MECOM: variants seen among roughly 807,000 people sequenced by gnomAD.
MECOM encodes histone-lysine N-methyltransferase MECOM.
MECOM carries 13 observed loss-of-function variants against 116.3 expected under a neutral mutation model. The ratio of observed to expected loss-of-function variants is 0.11; its 90% CI spans 0.07 to 0.18. The LOEUF is 0.18. Among genes scored for constraint, MECOM ranks in the 10% least tolerant of loss-of-function variants. MECOM has a pLI of 1.00. For synonymous variants in MECOM, 528 were observed against 535.2 expected (o/e 0.99, Z 0.19); for missense variants, 1,299 against 1,509.0 (o/e 0.86, Z 2.31).
intron 1 of MECOM, among the ~76,000 whole-genome samples, chr3:169,520,920 G>A (rs990716685): frequency 2.0e-5 from 3 of 152,190 alleles, no homozygotes; most frequent in Non-Finnish European, 2.9e-5. Context: ...CTGGGCCTCA[G>A]TTTGCCAATA....
chr3:169,641,693 A>G lies in MECOM; in HGVS notation c.37+21643T>C, dbSNP rs139872960. 1.2e-3 allele frequency among the ~76,000 whole-genome samples: 183 copies of G among 152,350 alleles called. 1 individual carries two copies. The highest frequency in any genetic ancestry group is 4.3e-3 in the African/African-American group (178 of 41,592). ...TTTGAACCTCACGCTAATTCTGTGAAGTAAATATTCTCATTCCCGCTTTAC... is the reference window on the plus strand; with the variant it reads ...TTTGAACCTCACGCTAATTCTGTGAGGTAAATATTCTCATTCCCGCTTTAC... On this transcript the variant is annotated intron_variant, in intron 1 of 16. Transcript: ENST00000651503.
chr3:169,662,777 CCCG>C (rs1316144936), intron 1 of MECOM, among the ~76,000 whole-genome samples: 2 of 151,954 alleles, frequency 1.3e-5, no homozygotes, highest in Non-Finnish European at 1.5e-5. Context: ...ACCACAGCCG[CCCG>C]CCGCCGCCGC....
intron 3 of MECOM, among the ~76,000 whole-genome samples, chr3:169,137,964 G>A (rs557494453): frequency 6.6e-6 from 1 of 152,138 alleles, no homozygotes; most frequent in South Asian, 2.1e-4. Flanking sequence ...CTTTAATGTG[G>A]TCATTTCATC....
intron 1 of MECOM, among the ~76,000 whole-genome samples, chr3:169,548,762 C>A (rs1761024594): frequency 6.6e-6 from 1 of 152,132 alleles, no homozygotes; most frequent in Non-Finnish European, 1.5e-5. Flanking sequence ...GGAGGAGAGA[C>A]AAGTGTGATT....
chr3:169,480,232 A>G (rs1751081587), intron 1 of MECOM, among the ~76,000 whole-genome samples: 1 of 152,170 alleles, frequency 6.6e-6, no homozygotes, highest in Non-Finnish European at 1.5e-5. Context: ...CTTCTTTATC[A>G]CATATACTGT....
chr3:169,142,265 G>A (rs910082425), intron 3 of MECOM, among the ~76,000 whole-genome samples: 1 of 151,872 alleles, frequency 6.6e-6, no homozygotes, highest in Admixed American at 6.6e-5. Flanking sequence ...AGTTTTATCT[G>A]TCTAAGGAAA....
intron 2 of MECOM, among the ~76,000 whole-genome samples, chr3:169,303,466 C>A (rs1386810791): frequency 2.0e-5 from 3 of 152,148 alleles, no homozygotes; most frequent in African/African-American, 7.2e-5. Flanking sequence ...AGAAGTCATT[C>A]ATAACAGACG....
At chr3:169,485,893 A>AGTATATAT (rs1553867575) in intron 1 of MECOM, among the ~76,000 whole-genome samples, 1,180 of 103,182 alleles carry the variant, frequency 0.011, no homozygotes, top group East Asian at 0.074. Context: ...ATGTATATAT[A>AGTATATAT]GTATATATAG....
chr3:169,264,889 G>C (rs1419228995), intron 2 of MECOM, among the ~76,000 whole-genome samples: 1 of 152,206 alleles, frequency 6.6e-6, no homozygotes, highest in Non-Finnish European at 1.5e-5. Flanking sequence ...CCAAGAGAAA[G>C]AGATTATTCC....
chr3:169,320,840 C>G (rs1427682134), intron 2 of MECOM, among the ~76,000 whole-genome samples: 2 of 152,088 alleles, frequency 1.3e-5, no homozygotes, highest in African/African-American at 4.8e-5. Context: ...AAGACATAAG[C>G]TAAGAAATTC....
intron 2 of MECOM, among the ~76,000 whole-genome samples, chr3:169,277,724 G>A (rs1487895369): frequency 6.6e-6 from 1 of 152,086 alleles, no homozygotes; most frequent in East Asian, 1.9e-4. Flanking sequence ...TATTACTTTG[G>A]TTTCCTCTTG....
chr3:169,493,994 T>C lies in MECOM; in HGVS notation c.38-112470A>G, dbSNP rs1753489851. 3.3e-5 allele frequency among the ~76,000 whole-genome samples: 5 copies of C among 152,164 alleles called. No homozygotes were observed. The South Asian group carries it at 8.3e-4, about 25-fold the overall frequency. ...AACGGTAGGAAAGAATACAGATTTATGCAGCAATCATCTTTGATGGTTGGT... is the reference window on the plus strand; with the variant it reads ...AACGGTAGGAAAGAATACAGATTTACGCAGCAATCATCTTTGATGGTTGGT... On this transcript the variant is annotated intron_variant, in intron 1 of 16. Transcript: ENST00000651503.
At chr3:169,433,665 G>GAA (rs1311489530) in intron 1 of MECOM, among the ~76,000 whole-genome samples, 1 of 141,064 alleles carries the variant, frequency 7.1e-6, no homozygotes, top group African/African-American at 2.7e-5. Flanking sequence ...AAGAAAGAAA[G>GAA]AAAGAAAGAA....
intron 2 of MECOM, among the ~76,000 whole-genome samples, chr3:169,183,746 T>TAGA (rs2149401883): frequency 7.1e-6 from 1 of 141,368 alleles, no homozygotes; most frequent in South Asian, 2.3e-4. Flanking sequence ...TTAAGGACTG[T>TAGA]AGAAGATACA....
At chr3:169,544,452 A>G (rs1347074848) in intron 1 of MECOM, among the ~76,000 whole-genome samples, 1 of 152,174 alleles carries the variant, frequency 6.6e-6, no homozygotes, top group East Asian at 1.9e-4. Flanking sequence ...GCCTTCCACA[A>G]TGGTTGAACT....
At chr3:169,463,845 G>T (rs1747844881) in intron 1 of MECOM, 1 of 152,132 alleles carries the variant, frequency 6.6e-6, no homozygotes, top group Non-Finnish European at 1.5e-5. Flanking sequence ...GATATCAAGT[G>T]CAGATGCCTA....
At position 169,219,889 on chromosome 3, in the gene MECOM, G is replaced by A. The variant is rs138166505; in HGVS notation, c.376-76057C>T. Reference sequence around the variant, plus strand: ...AACTATAAGTTTACCTCCTAACCTAGGAACCATCTCATTAAGTTTTTTTAA... The same window carrying A: ...AACTATAAGTTTACCTCCTAACCTAAGAACCATCTCATTAAGTTTTTTTAA... On this transcript the variant is annotated intron_variant, in intron 2 of 16. Transcript: ENST00000651503. Among the ~76,000 whole-genome samples, 71 of 147,866 alleles carry A rather than the reference G, an allele frequency of 4.8e-4. 2 individuals are homozygous for A. In the East Asian group the frequency reaches 0.011, roughly 24 times the overall value.
rs1717032156 is a variant in MECOM at position 169,302,989 on chromosome 3, AT to A, written c.375+78197del. Among the ~76,000 whole-genome samples, 3 of 152,168 alleles carry A rather than the reference AT, an allele frequency of 2.0e-5. No individual in the cohort carries two copies. The South Asian group carries it at 6.2e-4, about 31-fold the overall frequency. Reference sequence around the variant, plus strand: ...ACACTGAGGAGTCCTCTTTCAGATTATTTTCACATCTTTAATATTTATTTGA... The same window carrying A: ...ACACTGAGGAGTCCTCTTTCAGATTATTTCACATCTTTAATATTTATTTGA... On this transcript the variant is annotated intron_variant, in intron 2 of 16. Coordinates refer to ENST00000651503, the MANE Select transcript of MECOM (RefSeq NM_004991.4).
At chr3:169,302,860 T>C (rs1432239050) in intron 2 of MECOM, among the ~76,000 whole-genome samples, 1 of 150,636 alleles carries the variant, frequency 6.6e-6, no homozygotes, top group Non-Finnish European at 1.5e-5. Context: ...GGAGACTCTG[T>C]CTCAAAAAAA....
Sources: gnomAD v4.1 joint callset for allele counts (sites outside exome capture counted in the v4.1 genomes callset) on GRCh38, gnomAD v4.1.1 for gene constraint, MANE v1.5 for transcripts, NCBI Gene and HGNC (gene_info 2026-07-23, HGNC 2026-07-21) for gene names.